Variants in NCKAP5 observed in about 807,000 individuals in gnomAD.
NCKAP5 encodes the protein NCK associated protein 5, also known as nck-associated protein 5.
NCKAP5 carries 92 observed loss-of-function variants against 167.0 expected under a neutral mutation model. The observed-to-expected ratio is 0.55, with a 90% CI of 0.47 to 0.66. The LOEUF (loss-of-function observed/expected upper bound fraction) is 0.66, where lower values mean the gene tolerates loss of function less well. Among genes scored for constraint, NCKAP5 ranks in the 30% least tolerant of loss-of-function variants. The pLI, the probability that NCKAP5 is intolerant of heterozygous loss-of-function variation, is 0.00. For missense variants in NCKAP5, 2,378 were observed against 2,315.0 expected (o/e 1.03, Z -0.56); for synonymous variants, 891 against 877.4 (o/e 1.02, Z -0.27).
At chr2:133,648,281 T>G in the NCKAP5 span, among the ~76,000 whole-genome samples, 1 of 151,656 alleles carries the variant, frequency 6.6e-6, no homozygotes, top group Admixed American at 6.6e-5. Flanking sequence ...CTGGCAAAAC[T>G]GAAGGGAGAA....
intron 7 of NCKAP5, among the ~76,000 whole-genome samples, chr2:132,976,755 A>AAT: frequency 6.6e-6 from 1 of 151,836 alleles, no homozygotes; most frequent in Non-Finnish European, 1.5e-5. Context: ...TGTTATATAT[A>AAT]ATATATATAC....
chr2:133,530,330 A>G (rs929988652), intron 2 of NCKAP5, among the ~76,000 whole-genome samples: 2 of 151,354 alleles, frequency 1.3e-5, no homozygotes, highest in Admixed American at 6.6e-5. Context: ...ATGAGCTTTT[A>G]GTAAATTTTG....
intron 5 of NCKAP5, among the ~76,000 whole-genome samples, chr2:133,205,798 C>T (rs912459518): frequency 6.6e-6 from 1 of 151,882 alleles, no homozygotes; most frequent in Non-Finnish European, 1.5e-5. Flanking sequence ...TAATTTTCTC[C>T]ATCAATATCT....
At chr2:133,404,889 A>G (rs2151033696) in intron 3 of NCKAP5, among the ~76,000 whole-genome samples, 1 of 152,296 alleles carries the variant, frequency 6.6e-6, no homozygotes, top group Non-Finnish European at 1.5e-5. Context: ...TCCTCCGTCT[A>G]TCAGTTCTCG....
chr2:132,886,575 C>T (rs1158232272), intron 8 of NCKAP5, among the ~76,000 whole-genome samples: 1 of 152,208 alleles, frequency 6.6e-6, no homozygotes, highest in Non-Finnish European at 1.5e-5. Flanking sequence ...TTAGCGTCCT[C>T]TCATATGGAA....
chr2:132,942,724 A>G (rs1242103952), intron 8 of NCKAP5, among the ~76,000 whole-genome samples: 1 of 152,192 alleles, frequency 6.6e-6, no homozygotes, highest in Admixed American at 6.5e-5. Context: ...AACAGATGAC[A>G]TGACCACTCA....
At chr2:133,185,355 T>C (rs2150052322) in intron 5 of NCKAP5, among the ~76,000 whole-genome samples, 1 of 152,292 alleles carries the variant, frequency 6.6e-6, no homozygotes, top group South Asian at 2.1e-4. Context: ...GGTGTTTTGG[T>C]TACTGTGGCA....
At chr2:133,211,625 T>C (rs1453247551) in intron 5 of NCKAP5, among the ~76,000 whole-genome samples, 1 of 152,224 alleles carries the variant, frequency 6.6e-6, no homozygotes, top group South Asian at 2.1e-4. Flanking sequence ...CACCAATCAC[T>C]AGACTGTAAG....
At chr2:133,302,800 A>G (rs184426036) in intron 4 of NCKAP5, among the ~76,000 whole-genome samples, 1 of 151,184 alleles carries the variant, frequency 6.6e-6, no homozygotes, top group Non-Finnish European at 1.5e-5. Flanking sequence ...AAAAATAAAA[A>G]AAATAAATAA....
chr2:133,545,114 C>T lies in NCKAP5; in HGVS notation c.-62+13936G>A, dbSNP rs879828099. On this transcript the variant is annotated intron_variant, in intron 2 of 19. Transcript: ENST00000409261. Reference sequence around the variant, plus strand: ...CTGATCAGGCACTGGGAGGGACACTCAAAAGGAAAGAGATGTAGAACCAAA... The same window carrying T: ...CTGATCAGGCACTGGGAGGGACACTTAAAAGGAAAGAGATGTAGAACCAAA... Among the ~76,000 whole-genome samples the T allele has an allele frequency of 9.9e-5, 15 of 152,166 alleles. 1 individual carries two copies. The highest frequency in any genetic ancestry group is 6.5e-4 in the Admixed American group (10 of 15,278).
At chr2:133,036,966 G>C (rs1306858579) in intron 6 of NCKAP5, among the ~76,000 whole-genome samples, 1 of 152,036 alleles carries the variant, frequency 6.6e-6, no homozygotes, top group African/African-American at 2.4e-5. Context: ...ATTCAGTAAA[G>C]TTGCAGGATA....
intron 3 of NCKAP5, among the ~76,000 whole-genome samples, chr2:133,451,406 C>T (rs1224970380): frequency 6.6e-6 from 1 of 152,138 alleles, no homozygotes; most frequent in Admixed American, 6.5e-5. Flanking sequence ...GCCCCAGTGG[C>T]ACATGAGTAT....
At chr2:133,197,125 A>G (rs2085471405) in intron 5 of NCKAP5, among the ~76,000 whole-genome samples, 2 of 152,188 alleles carry the variant, frequency 1.3e-5, no homozygotes, top group Admixed American at 6.5e-5. Context: ...GGAGGCTCCA[A>G]TGAGGCTAAA....
intron 6 of NCKAP5, among the ~76,000 whole-genome samples, chr2:133,034,263 T>C (rs1366642144): frequency 2.0e-5 from 3 of 152,076 alleles, no homozygotes; most frequent in African/African-American, 7.2e-5. Flanking sequence ...AGTATATCCA[T>C]TGAAAATATC....
At chr2:133,093,581 C>G (rs1211231735) in intron 6 of NCKAP5, among the ~76,000 whole-genome samples, 2 of 152,162 alleles carry the variant, frequency 1.3e-5, no homozygotes, top group African/African-American at 4.8e-5. Flanking sequence ...CTACACAGAA[C>G]CGCTTCTCAC....
intron 3 of NCKAP5, among the ~76,000 whole-genome samples, chr2:133,471,018 G>A (rs149459608): frequency 3.9e-5 from 6 of 152,262 alleles, no homozygotes; most frequent in African/African-American, 1.4e-4. Context: ...GTTCCTATTC[G>A]GCCATCTTGG....
At chr2:132,928,469 A>C (rs1207869445) in intron 8 of NCKAP5, among the ~76,000 whole-genome samples, 1 of 152,192 alleles carries the variant, frequency 6.6e-6, no homozygotes, top group Non-Finnish European at 1.5e-5. Flanking sequence ...CTTTGAGATA[A>C]GCAGAAAGAT....
chr2:133,340,732 C>A (rs943650175), intron 3 of NCKAP5, among the ~76,000 whole-genome samples: 7 of 152,066 alleles, frequency 4.6e-5, no homozygotes, highest in Admixed American at 3.9e-4. Flanking sequence ...TCAGAGATGG[C>A]AAAAATCCCT....
intron 19 of NCKAP5, among the ~76,000 whole-genome samples, chr2:132,707,657 G>T (rs1456007245): frequency 2.6e-5 from 4 of 152,180 alleles, no homozygotes; most frequent in Non-Finnish European, 5.9e-5. Flanking sequence ...ATGTAAGCGT[G>T]AGCAAAACCA....
Sources: gnomAD v4.1 joint callset for allele counts (sites outside exome capture counted in the v4.1 genomes callset) on GRCh38, gnomAD v4.1.1 for gene constraint, MANE v1.5 for transcripts, NCBI Gene and HGNC (gene_info 2026-07-23, HGNC 2026-07-21) for gene names.